Variants in C8orf88 observed in about 807,000 individuals in gnomAD.
C8orf88 encodes chromosome 8 open reading frame 88, also known as uncharacterized protein C8orf88.
In C8orf88, 14 loss-of-function variants were observed where a neutral mutation model predicts 18.4. The ratio of observed to expected loss-of-function variants is 0.76; its 90% CI spans 0.50 to 1.19. The LOEUF (loss-of-function observed/expected upper bound fraction) is 1.19. C8orf88 is among the 50% of genes most tolerant of loss of function. The pLI, the probability that C8orf88 is intolerant of heterozygous loss-of-function variation, is 0.00. For missense variants in C8orf88, 116 were observed against 134.7 expected (o/e 0.86, Z 0.69); for synonymous variants, 45 against 42.9 (o/e 1.05, Z -0.19).
At chr8:90,963,952 T>C (rs542158647) in intron 4 of C8orf88, among the ~76,000 whole-genome samples, 9 of 151,670 alleles carry the variant, frequency 5.9e-5, no homozygotes, top group African/African-American at 1.7e-4. Context: ...AAAGAATCTA[T>C]ACATCTAAGA....
intron 1 of C8orf88, among the ~76,000 whole-genome samples, chr8:90,981,050 T>C (rs548539306): frequency 1.3e-5 from 2 of 152,304 alleles, no homozygotes; most frequent in African/African-American, 4.8e-5. Context: ...CCTATCTACA[T>C]GATAAATATG....
intron 4 of C8orf88, among the ~76,000 whole-genome samples, chr8:90,968,495 A>C (rs1254070566): frequency 2.6e-5 from 4 of 151,132 alleles, no homozygotes; most frequent in Admixed American, 2.0e-4. Flanking sequence ...AAACGGGTAA[A>C]TCTTAATGAC....
chr8:90,970,389 A>T lies in C8orf88; in HGVS notation c.223+677T>A, dbSNP rs112379452. 9.0e-3 allele frequency among the ~76,000 whole-genome samples: 1,374 copies of T among 152,152 alleles called. 20 individuals carry two copies. Among genetic ancestry groups the T allele is most frequent in the African/African-American group, 0.031 (1,287 of 41,550 alleles). On this transcript the variant is annotated intron_variant, in intron 4 of 5. Coordinates refer to ENST00000517562, the MANE Select transcript of C8orf88 (RefSeq NM_001190972.2). ...AAATTAATGGTCTTTTCATACTTCA[A>T]ACTTTTAAACTACATACATTAATTG...
intron 4 of C8orf88, among the ~76,000 whole-genome samples, chr8:90,963,582 G>A (rs554776953): frequency 6.6e-6 from 1 of 151,848 alleles, no homozygotes; most frequent in South Asian, 2.1e-4. Flanking sequence ...TATGAGAAGA[G>A]TGTCTCATTA....
At chr8:90,983,228 A>T (rs1026380279) in intron 1 of C8orf88, among the ~76,000 whole-genome samples, 5 of 152,276 alleles carry the variant, frequency 3.3e-5, no homozygotes, top group Middle Eastern at 3.4e-3. Flanking sequence ...TAAAAATGTA[A>T]ATGTATAGTT....
rs1380634424 is a variant in C8orf88, at chr8:90,959,014, A to C, written c.347T>G (p.Phe116Cys). The part of the protein sequence containing the change: ...VLQKPENNQS[F>C]K ...TCATCTGTTCTTAAAATGCTACTTA[A>C]AACTTTGGTTGTTTTCCTGTAATAT... is the stretch of plus-strand genomic sequence containing the variant. The change falls in exon 6 of 6, where the codon TTT (phenylalanine) becomes TGT (cysteine). Residue 116 changes from phenylalanine to cysteine, a missense_variant. Physicochemically the swap from Phe to Cys is radical, Grantham distance 205. Transcript: ENST00000517562. 1 of 1,409,782 alleles carries C rather than the reference A, an allele frequency of 7.1e-7. No individual in the cohort carries two copies. The highest frequency in any genetic ancestry group is 1.5e-5 in the African/African-American group (1 of 68,290). The allele number at this position is 1,409,782 out of a possible 1,614,324, so 87.3% of individuals were successfully genotyped here. A position where few individuals can be genotyped will look rare whatever the true frequency, so the allele number is the denominator to read the frequency against.
At position 90,971,065 on chromosome 8, in the gene C8orf88, C is replaced by T; in HGVS notation, c.223+1G>A. 1 of 1,497,302 alleles carries T rather than the reference C, an allele frequency of 6.7e-7. No individual in the cohort carries two copies. The highest frequency in any genetic ancestry group is 8.9e-7 in the Non-Finnish European group (1 of 1,126,368). The allele number at this position is 1,497,302 out of a possible 1,614,324, so 92.8% of individuals were successfully genotyped here. A position where few individuals can be genotyped will look rare whatever the true frequency, so the allele number is the denominator to read the frequency against. ...AATTGGGAATTATGATAAAATTTTA[C>T]CTTTCTTAACTGGAGACTGCTGTTG... On this transcript the variant is annotated splice_donor_variant, in intron 4 of 5. Transcript: ENST00000517562. LOFTEE classifies it high-confidence loss of function.
At chr8:90,978,739 T>TA in intron 2 of C8orf88, 87 bp from the exon 3 acceptor site, 2 of 688,330 alleles carry the variant, frequency 2.9e-6, no homozygotes, top group Non-Finnish European at 4.7e-6. Flanking sequence ...ATCCAAGATA[T>TA]TCTTGGCACT....
At chr8:90,975,817 A>G (rs1811339780) in intron 3 of C8orf88, among the ~76,000 whole-genome samples, 1 of 152,020 alleles carries the variant, frequency 6.6e-6, no homozygotes. Flanking sequence ...AGATTTGTAC[A>G]TGATAGTCTA....
At chr8:90,977,556 A>G (rs1811369890) in intron 3 of C8orf88, among the ~76,000 whole-genome samples, 1 of 152,210 alleles carries the variant, frequency 6.6e-6, no homozygotes. Context: ...ATCAGTTCAT[A>G]TTTAACTGCT....
intron 5 of C8orf88, among the ~76,000 whole-genome samples, chr8:90,960,073 G>A (rs181800477): frequency 3.7e-4 from 56 of 151,394 alleles, no homozygotes; most frequent in Non-Finnish European, 7.4e-4. Flanking sequence ...TCGAACTACC[G>A]GTACACAGAA....
intron 3 of C8orf88, among the ~76,000 whole-genome samples, chr8:90,977,612 A>C (rs1424658664): frequency 2.0e-5 from 3 of 152,116 alleles, no homozygotes; most frequent in Admixed American, 6.6e-5. Flanking sequence ...AAATATACTT[A>C]TGGTTGTGCA....
At chr8:90,975,342 A>G (rs1307632408) in intron 3 of C8orf88, among the ~76,000 whole-genome samples, 1 of 152,172 alleles carries the variant, frequency 6.6e-6, no homozygotes, top group Non-Finnish European at 1.5e-5. Flanking sequence ...AAATCAACAG[A>G]TCATAATAGT....
At chr8:90,966,803 A>G (rs1811206335) in intron 4 of C8orf88, among the ~76,000 whole-genome samples, 1 of 151,914 alleles carries the variant, frequency 6.6e-6, no homozygotes, top group Non-Finnish European at 1.5e-5. Flanking sequence ...TAAACCCATT[A>G]TAAGTTAAAA....
At chr8:90,966,668 A>G (rs1811204442) in intron 4 of C8orf88, among the ~76,000 whole-genome samples, 1 of 151,636 alleles carries the variant, frequency 6.6e-6, no homozygotes, top group Non-Finnish European at 1.5e-5. Context: ...ATAATAAACA[A>G]CAATGGTCTT....
chr8:90,979,890 A>T (rs1178748116), intron 2 of C8orf88, among the ~76,000 whole-genome samples: 1 of 152,260 alleles, frequency 6.6e-6, no homozygotes, highest in Non-Finnish European at 1.5e-5. Context: ...TTCTAGTTCA[A>T]ACACAGCCAT....
At chr8:90,984,202 T>C (rs989012313) in intron 1 of C8orf88, among the ~76,000 whole-genome samples, 2 of 152,324 alleles carry the variant, frequency 1.3e-5, no homozygotes, top group Non-Finnish European at 2.9e-5. Flanking sequence ...TAAGATCATA[T>C]AAAGTGAAAT....
intron 5 of C8orf88, 136 bp downstream of exon 5, chr8:90,960,606 G>T: frequency 2.1e-6 from 1 of 475,544 alleles, no homozygotes; most frequent in Middle Eastern, 5.8e-4. Flanking sequence ...TATATCTTTA[G>T]ATTTTTGTAG....
At chr8:90,966,419 G>A (rs530811921) in intron 4 of C8orf88, among the ~76,000 whole-genome samples, 51 of 148,314 alleles carry the variant, frequency 3.4e-4, no homozygotes, top group Admixed American at 1.5e-3. Context: ...TGAGTTAGTG[G>A]GTGCAGTGCA....
Sources: allele counts gnomAD v4.1 joint callset (sites outside exome capture counted in the v4.1 genomes callset), GRCh38; gene constraint gnomAD v4.1.1; transcripts MANE v1.5; gene names NCBI Gene and HGNC (gene_info 2026-07-23, HGNC 2026-07-21).